DRD2: variants seen among roughly 807,000 people sequenced by gnomAD.
DRD2 encodes the protein D(2) dopamine receptor.
In DRD2, 8 loss-of-function variants were observed where a neutral mutation model predicts 38.0. That is an observed-to-expected ratio of 0.21 (90% confidence interval 0.12 to 0.38). The LOEUF (loss-of-function observed/expected upper bound fraction) is 0.38, where lower values mean the gene tolerates loss of function less well. Among genes scored for constraint, DRD2 ranks in the 10% least tolerant of loss-of-function variants. The probability of loss-of-function intolerance (pLI) is 1.00; values close to 1 mark genes in which losing one functional copy is unlikely to be tolerated. For synonymous variants in DRD2, 230 were observed against 238.6 expected, an observed-to-expected ratio of 0.96 and a Z score of 0.33; for missense variants, 403 against 607.7, an observed-to-expected ratio of 0.66 and a Z score of 3.54.
At chr11:113,422,734 G>C (rs113641636) in intron 2 of DRD2, among the ~76,000 whole-genome samples, 1 of 152,166 alleles carries the variant, frequency 6.6e-6, no homozygotes, top group Non-Finnish European at 1.5e-5. Flanking sequence ...CCTTGGGCCC[G>C]GGGTGGTGGT....
chr11:113,464,095 C>T (rs1951346592), intron 1 of DRD2, among the ~76,000 whole-genome samples: 1 of 152,204 alleles, frequency 6.6e-6, no homozygotes, highest in Admixed American at 6.5e-5. Flanking sequence ...CTCTCATCCA[C>T]ATCTTTATAC....
chr11:113,427,514 G>A (rs1950950975), intron 1 of DRD2, among the ~76,000 whole-genome samples: 1 of 152,098 alleles, frequency 6.6e-6, no homozygotes, highest in Non-Finnish European at 1.5e-5. Context: ...CTTGTTCTTG[G>A]AATGAACAAA....
At position 113,415,749 on chromosome 11, in the gene DRD2, C is replaced by T. The variant is rs1950819520; in HGVS notation, c.533-138G>A. ...GAACGCAACTAGATGTTTAAGGCTG[C>T]CTGGTCATCTTAGATATACACAAAC... is the stretch of plus-strand genomic sequence containing the variant. On this transcript the variant is annotated intron_variant, in intron 4 of 7. Coordinates refer to ENST00000362072, the MANE Select transcript of DRD2 (RefSeq NM_000795.4). The T allele has an allele frequency of 2.6e-5, 25 of 956,546 alleles. No homozygotes were observed. In the South Asian group the frequency reaches 4.3e-4, roughly 16 times the overall value. 59.3% of individuals were successfully genotyped at this position (956,546 alleles called of 1,614,324 possible).
chr11:113,445,996 G>A (rs1393992175), intron 1 of DRD2, among the ~76,000 whole-genome samples: 2 of 152,164 alleles, frequency 1.3e-5, no homozygotes, highest in Non-Finnish European at 2.9e-5. Context: ...CTGGGTCCGT[G>A]AGTTCCAGTG....
intron 1 of DRD2, among the ~76,000 whole-genome samples, chr11:113,435,229 C>G (rs970469541): frequency 1.2e-4 from 19 of 152,044 alleles, no homozygotes; most frequent in African/African-American, 3.9e-4. Context: ...GTCTGCCTGA[C>G]AGCCCCATCC....
chr11:113,436,430 C>T (rs1263190766), intron 1 of DRD2, among the ~76,000 whole-genome samples: 1 of 152,138 alleles, frequency 6.6e-6, no homozygotes, highest in African/African-American at 2.4e-5. Flanking sequence ...TCAAAGAAAC[C>T]AATTTTTTAA....
chr11:113,438,990 C>T (rs553020906), intron 1 of DRD2, among the ~76,000 whole-genome samples: 1 of 152,254 alleles, frequency 6.6e-6, no homozygotes, highest in East Asian at 1.9e-4. Flanking sequence ...GCTGTCAGAC[C>T]TAATTTCAGA....
In DRD2 at chr11:113,465,408, G is replaced by GT. The variant is rs1318811247; in HGVS notation, c.-32+9667dup. Among the ~76,000 whole-genome samples, 142 of 98,746 alleles carry GT rather than the reference G, an allele frequency of 1.4e-3. 1 individual carries two copies. The highest frequency in any genetic ancestry group is 2.7e-3 in the Admixed American group (22 of 8,272). 64.8% of individuals were successfully genotyped at this position (98,746 alleles called of 152,430 possible). On this transcript the variant is annotated intron_variant, in intron 1 of 7. Coordinates refer to ENST00000362072, the MANE Select transcript of DRD2 (RefSeq NM_000795.4). ...CCATGCCTGGCCAGTTTTTGTTGTTGTTGTTGTTTGTTTGTTTGTTTGTTT... is the reference window on the plus strand; with the variant it reads ...CCATGCCTGGCCAGTTTTTGTTGTTGTTTGTTGTTTGTTTGTTTGTTTGTTT...
intron 1 of DRD2, among the ~76,000 whole-genome samples, chr11:113,455,821 C>T (rs891628032): frequency 6.6e-6 from 1 of 152,158 alleles, no homozygotes; most frequent in African/African-American, 2.4e-5. Context: ...AAAGGGAACA[C>T]TTATAAACCG....
intron 1 of DRD2, among the ~76,000 whole-genome samples, chr11:113,448,565 CT>C (rs1417388585): frequency 1.3e-5 from 2 of 152,254 alleles, no homozygotes; most frequent in East Asian, 3.8e-4. Context: ...AATCACCTGT[CT>C]TCATCTCAGC....
intron 1 of DRD2, among the ~76,000 whole-genome samples, chr11:113,430,625 G>T (rs1950976908): frequency 6.6e-6 from 1 of 152,208 alleles, no homozygotes; most frequent in Admixed American, 6.5e-5. Context: ...CTGTCTCCGG[G>T]CTGCACAGAT....
At chr11:113,451,676 G>A (rs1951211136) in intron 1 of DRD2, among the ~76,000 whole-genome samples, 1 of 152,000 alleles carries the variant, frequency 6.6e-6, no homozygotes, top group Admixed American at 6.6e-5. Context: ...TTTTAGTAGA[G>A]ATGGGGTTTT....
intron 5 of DRD2, 87 bp downstream of exon 5, chr11:113,415,334 C>G: frequency 6.7e-7 from 1 of 1,497,670 alleles, no homozygotes; most frequent in Non-Finnish European, 9.0e-7. Flanking sequence ...GCTGAGGTTT[C>G]CCAAGCCCCC....
intron 1 of DRD2, among the ~76,000 whole-genome samples, chr11:113,454,120 G>C (rs1443888976): frequency 6.6e-6 from 1 of 152,150 alleles, no homozygotes; most frequent in Non-Finnish European, 1.5e-5. Flanking sequence ...ATCAGCTACA[G>C]TTTGAGTCTT....
chr11:113,416,772 T>C (rs919231969), intron 4 of DRD2, 91 bp downstream of exon 4: 2 of 1,548,786 alleles, frequency 1.3e-6, no homozygotes, highest in Non-Finnish European at 8.8e-7. Flanking sequence ...TCCACCCATA[T>C]CTGTGCCAGG....
chr11:113,420,083 C>G (rs898501963), intron 2 of DRD2, among the ~76,000 whole-genome samples: 2 of 152,260 alleles, frequency 1.3e-5, no homozygotes, highest in Admixed American at 6.5e-5. Flanking sequence ...TACCACTGGG[C>G]AGAAAACCAG....
At chr11:113,461,749 T>G (rs1951321438) in intron 1 of DRD2, among the ~76,000 whole-genome samples, 1 of 152,224 alleles carries the variant, frequency 6.6e-6, no homozygotes, top group Non-Finnish European at 1.5e-5. Flanking sequence ...TAAATGCTTG[T>G]AGAATGAACA....
In DRD2 at chr11:113,410,159, G is replaced by T. The variant is rs200282737; in HGVS notation, c.*568C>A. On this transcript the variant is annotated 3_prime_UTR_variant, in exon 8 of 8. Coordinates refer to ENST00000362072, the MANE Select transcript of DRD2 (RefSeq NM_000795.4). ...CTGGAAAGTAGAGGTCCACATCGGGGTGCGGGAGGGAGCTAAGGTTTTTGG... is the reference window on the plus strand; with the variant it reads ...CTGGAAAGTAGAGGTCCACATCGGGTTGCGGGAGGGAGCTAAGGTTTTTGG... 8 of 191,048 alleles carry T rather than the reference G, an allele frequency of 4.2e-5. No individual in the cohort carries two copies. The highest frequency in any genetic ancestry group is 1.9e-4 in the African/African-American group (8 of 42,682). 11.8% of individuals were successfully genotyped at this position (191,048 alleles called of 1,614,324 possible).
At chr11:113,454,224 C>T (rs2119926273) in intron 1 of DRD2, among the ~76,000 whole-genome samples, 1 of 152,220 alleles carries the variant, frequency 6.6e-6, no homozygotes, top group East Asian at 1.9e-4. Context: ...CTATATGGTC[C>T]TCTTGCAATA....
Sources: allele counts gnomAD v4.1 joint callset (sites outside exome capture counted in the v4.1 genomes callset), GRCh38; gene constraint gnomAD v4.1.1; transcripts MANE v1.5; gene names NCBI Gene and HGNC (gene_info 2026-07-23, HGNC 2026-07-21).